PARPBP: variants seen among roughly 807,000 people sequenced by gnomAD.
PARPBP encodes the protein PCNA-interacting partner.
A neutral mutation model predicts 50.0 loss-of-function variants in PARPBP; 52 were observed. The observed-to-expected ratio is 1.04, with a 90% CI of 0.83 to 1.31. The LOEUF (loss-of-function observed/expected upper bound fraction) is 1.31, where lower values mean the gene tolerates loss of function less well. Among genes scored for constraint, PARPBP ranks in the 50% most tolerant of loss-of-function variants. PARPBP has a pLI of 0.00. For missense variants in PARPBP, 697 were observed against 672.0 expected, an observed-to-expected ratio of 1.04 and a Z score of -0.41; for synonymous variants, 244 against 232.1, an observed-to-expected ratio of 1.05 and a Z score of -0.47.
Position 102,151,480 on chromosome 12 carries a change from T to G in PARPBP, c.388-2389T>G, listed in dbSNP as rs1886197131. The G allele has an allele frequency of 8.5e-6, 7 of 828,188 alleles. No individual in the cohort carries two copies. The East Asian group carries it at 1.9e-4, about 22-fold the overall frequency. 51.3% of individuals were successfully genotyped at this position (828,188 alleles called of 1,614,324 possible). A position where few individuals can be genotyped will look rare whatever the true frequency, so the allele number is the denominator to read the frequency against. On this transcript the variant is annotated intron_variant, in intron 3 of 10. Coordinates refer to ENST00000327680, the MANE Select transcript of PARPBP (RefSeq NM_017915.5). ...GTCCTTAGTTGGAGCCTGCGGCTGCTGGGAGATGCATCAACATCAGTGAAT... is the reference window on the plus strand; with the variant it reads ...GTCCTTAGTTGGAGCCTGCGGCTGCGGGGAGATGCATCAACATCAGTGAAT...
At position 102,181,175 on chromosome 12, in the gene PARPBP, A is replaced by G. The variant is rs138457041; in HGVS notation, c.1185-1374A>G. Among the ~76,000 whole-genome samples, 13 of 152,320 alleles carry G rather than the reference A, an allele frequency of 8.5e-5. No individual in the cohort carries two copies. The East Asian group carries it at 2.5e-3, about 29-fold the overall frequency. On this transcript the variant is annotated intron_variant, in intron 8 of 10. Transcript: ENST00000327680. Reference sequence around the variant, plus strand: ...TACTTAGACTTCAGGATGCCTGAATATAGGGTCAATAAATAAGTCAACTTT... The same window carrying G: ...TACTTAGACTTCAGGATGCCTGAATGTAGGGTCAATAAATAAGTCAACTTT...
In PARPBP at chr12:102,185,364, A is replaced by G. The variant is rs566702693; in HGVS notation, c.1263+2737A>G. Among the ~76,000 whole-genome samples the G allele has an allele frequency of 4.6e-5, 7 of 152,338 alleles. No individual in the cohort carries two copies. In the South Asian group the frequency reaches 1.4e-3, roughly 32 times the overall value. On this transcript the variant is annotated intron_variant, in intron 9 of 10. Transcript: ENST00000327680. ...TTTGCATATGTCGAACCATTCTTAT[A>G]TCCTTGGGATAAATCCTACTTTGTC...
intron 9 of PARPBP, among the ~76,000 whole-genome samples, chr12:102,193,761 C>T (rs2137494663): frequency 6.6e-6 from 1 of 151,998 alleles, no homozygotes; most frequent in East Asian, 1.9e-4. Flanking sequence ...GAAAGAGCTA[C>T]TTAAAATCTT....
At chr12:102,128,032 C>G (rs1049028733) in intron 2 of PARPBP, among the ~76,000 whole-genome samples, 1 of 152,036 alleles carries the variant, frequency 6.6e-6, no homozygotes, top group African/African-American at 2.4e-5. Flanking sequence ...GTGGTGATAA[C>G]AATTAAAATG....
intron 3 of PARPBP, among the ~76,000 whole-genome samples, chr12:102,152,448 C>T (rs1227128638): frequency 1.3e-5 from 2 of 152,148 alleles, no homozygotes; most frequent in African/African-American, 4.8e-5. Flanking sequence ...CTGGTAGTTG[C>T]AGTTACTGGG....
At chr12:102,125,857 A>G (rs1188988974) in intron 2 of PARPBP, among the ~76,000 whole-genome samples, 10 of 152,234 alleles carry the variant, frequency 6.6e-5, no homozygotes, top group Non-Finnish European at 1.5e-4. Flanking sequence ...CAAAGAGATC[A>G]AGCTGAGCCC....
rs772932575 is a variant in PARPBP, at chr12:102,165,753, A to G, written c.691A>G (p.Ile231Val). ...GGTGGCCACGTCTTTTATTAGAACA[A>G]TAGAGCTTGGAGGGAAAGGATATGC... Reference protein sequence around the residue: ...FLVATSFIRTIELGGKGYAPP... With the variant: ...FLVATSFIRTVELGGKGYAPP... Residue 231 changes from isoleucine (I) to valine (V), a missense_variant, in exon 6 of 11, where the codon ATA becomes GTA. Coordinates refer to ENST00000327680, the MANE Select transcript of PARPBP (RefSeq NM_017915.5). 1 of 1,609,306 alleles carries G rather than the reference A, an allele frequency of 6.2e-7. No individual in the cohort carries two copies. Among genetic ancestry groups the G allele is most frequent in the Non-Finnish European group, 8.5e-7 (1 of 1,177,660 alleles).
chr12:102,184,321 G>C (rs1474928212), intron 9 of PARPBP, among the ~76,000 whole-genome samples: 1 of 151,770 alleles, frequency 6.6e-6, no homozygotes, highest in Non-Finnish European at 1.5e-5. Context: ...TTTTATCCTT[G>C]GTGTTATAAA....
At chr12:102,195,815 CAT>C in intron 10 of PARPBP, 134 bp from the exon 11 acceptor site, 1 of 599,004 alleles carries the variant, frequency 1.7e-6, no homozygotes, top group South Asian at 2.4e-5. Context: ...ATTTGTCAAT[CAT>C]ATTATTTATA....
At chr12:102,187,164 A>G (rs1297116463) in intron 9 of PARPBP, among the ~76,000 whole-genome samples, 1 of 152,200 alleles carries the variant, frequency 6.6e-6, no homozygotes, top group Non-Finnish European at 1.5e-5. Flanking sequence ...GAATAATGTA[A>G]TCAGATGCAA....
rs546692570 is a variant in PARPBP at position 102,175,707 on chromosome 12, C to T, written c.1005+41C>T. ...TTTTTCATTATCCTTTTATACAAAT[C>T]ATTATCTCTTCTATTTATTGTAGAA... is the stretch of plus-strand genomic sequence containing the variant. On this transcript the variant is annotated intron_variant, in intron 7 of 10. Transcript: ENST00000327680. 36 of 1,245,172 alleles carry T rather than the reference C, an allele frequency of 2.9e-5. No homozygotes were observed. The South Asian group carries it at 5.8e-4, about 20-fold the overall frequency. 77.1% of individuals were successfully genotyped at this position (1,245,172 alleles called of 1,614,324 possible).
intron 3 of PARPBP, chr12:102,151,978 G>T (rs957207797): frequency 1.5e-5 from 9 of 588,420 alleles, no homozygotes; most frequent in Non-Finnish European, 2.4e-5. Flanking sequence ...GTGTACCATG[G>T]TTACCAAATA....
chr12:102,148,367 T>C lies in PARPBP; in HGVS notation c.291T>C (p.Asp97=). The change falls in exon 3 of 11, where the codon GAT becomes GAC. Residue 97 remains aspartate, a synonymous_variant. Coordinates refer to ENST00000327680, the MANE Select transcript of PARPBP (RefSeq NM_017915.5). ...HYEDVRKIYD[D]FLKNSNMLDL... The stretch of plus-strand genomic sequence containing the variant: ...AGGACGTTAGGAAGATTTATGATGA[T>C]TTCTTGAAGAACAGTAATATGTTAG... 1 of 1,589,236 alleles carries C rather than the reference T, an allele frequency of 6.3e-7. No homozygotes were observed. Among genetic ancestry groups the C allele is most frequent in the Non-Finnish European group, 8.6e-7 (1 of 1,157,728 alleles).
chr12:102,183,659 C>T (rs906935680), intron 9 of PARPBP, among the ~76,000 whole-genome samples: 9 of 152,102 alleles, frequency 5.9e-5, no homozygotes, highest in Admixed American at 1.3e-4. Context: ...TGGATAGAAA[C>T]AGAAGTGTAA....
At chr12:102,142,393 T>G (rs937405930) in intron 2 of PARPBP, among the ~76,000 whole-genome samples, 28 of 152,204 alleles carry the variant, frequency 1.8e-4, no homozygotes, top group Non-Finnish European at 3.8e-4. Context: ...CGTCTAATCT[T>G]TTTTCAAGTT....
chr12:102,123,160 A>ACTGT (rs1481369772), intron 1 of PARPBP, among the ~76,000 whole-genome samples: 2 of 152,214 alleles, frequency 1.3e-5, no homozygotes, highest in African/African-American at 4.8e-5. Flanking sequence ...AAAGGCATCC[A>ACTGT]CTGTCTGACA....
chr12:102,153,738 C>T (rs1349939119), intron 3 of PARPBP, 131 bp from the exon 4 acceptor site: 1 of 586,136 alleles, frequency 1.7e-6, no homozygotes, highest in African/African-American at 1.9e-5. Flanking sequence ...TATATGTATT[C>T]TTAATGATTG....
chr12:102,195,191 A>G, intron 9 of PARPBP, 121 bp from the exon 10 acceptor site: 1 of 531,118 alleles, frequency 1.9e-6, no homozygotes, highest in Non-Finnish European at 3.2e-6. Context: ...GTTCTCAATG[A>G]GTAATAGAAT....
Position 102,151,738 on chromosome 12 carries a change from A to T in PARPBP, c.388-2131A>T, listed in dbSNP as rs1203380326. 3.3e-6 allele frequency: 5 copies of T among 1,535,656 alleles called. No individual in the cohort carries two copies. The East Asian group carries it at 1.2e-4, about 38-fold the overall frequency. ...GTCCCTAAACTTCAGATTGCCTGGGATTCCCATCACGGTCCAGAAGAAGAG... is the reference window on the plus strand; with the variant it reads ...GTCCCTAAACTTCAGATTGCCTGGGTTTCCCATCACGGTCCAGAAGAAGAG... On this transcript the variant is annotated intron_variant, in intron 3 of 10. Coordinates refer to ENST00000327680, the MANE Select transcript of PARPBP (RefSeq NM_017915.5).
Sources: gnomAD v4.1 joint callset for allele counts (sites outside exome capture counted in the v4.1 genomes callset) on GRCh38, gnomAD v4.1.1 for gene constraint, MANE v1.5 for transcripts, NCBI Gene and HGNC (gene_info 2026-07-23, HGNC 2026-07-21) for gene names.